Variants in FBXW11 observed in about 807,000 individuals in gnomAD.
FBXW11 encodes the protein F-box/WD repeat-containing protein 11.
A neutral mutation model predicts 77.6 loss-of-function variants in FBXW11; 19 were observed. The observed-to-expected ratio is 0.24, with a 90% CI of 0.17 to 0.36. FBXW11 has a LOEUF of 0.36. FBXW11 is among the 10% of genes least tolerant of loss of function. The pLI, the probability that FBXW11 is intolerant of heterozygous loss-of-function variation, is 1.00. For synonymous variants in FBXW11, 235 were observed against 249.4 expected (o/e 0.94, Z 0.54); for missense variants, 334 against 704.2 (o/e 0.47, Z 5.95).
Position 171,869,826 on chromosome 5 carries a change from T to C in FBXW11, c.1452-19A>G. The C allele has an allele frequency of 6.4e-7, 1 of 1,567,302 alleles. No individual in the cohort carries two copies. The highest frequency in any genetic ancestry group is 1.1e-5 in the South Asian group (1 of 87,394). On this transcript the variant is annotated intron_variant, in intron 11 of 13. Transcript: ENST00000517395. This position sits in a 1 kb window ranked among gnomAD's most constrained non-coding sequence, Gnocchi z 4.1. The stretch of plus-strand genomic sequence containing the variant: ...AATTTTCCTAGAAAGGAAAATGAGA[T>C]GTGATTAGTGGAAAAGTGAACAATT...
At chr5:171,956,096 C>A (rs1581251339) in intron 2 of FBXW11, among the ~76,000 whole-genome samples, 1 of 152,298 alleles carries the variant, frequency 6.6e-6, no homozygotes, top group Non-Finnish European at 1.5e-5. Flanking sequence ...ATTTCCAGTT[C>A]TGGAAAAAAC....
Position 171,869,273 on chromosome 5 carries a change from C to T in FBXW11, c.1530+456G>A, listed in dbSNP as rs986928866. Among the ~76,000 whole-genome samples, 2 of 152,116 alleles carry T rather than the reference C, an allele frequency of 1.3e-5. No homozygotes were observed. The highest frequency in any genetic ancestry group is 2.4e-5 in the African/African-American group (1 of 41,422). On this transcript the variant is annotated intron_variant, in intron 12 of 13. Transcript: ENST00000517395. This position sits in a 1 kb window ranked among gnomAD's most constrained non-coding sequence, Gnocchi z 4.1. ...CTAGTAAATGCAAGAAGTGAAGAAA[C>T]AGAAATAAAACTACTAAAATCTTTT... is the stretch of plus-strand genomic sequence containing the variant.
At chr5:171,952,447 A>ATATATATATATATATATATTTTTTTT in intron 2 of FBXW11, among the ~76,000 whole-genome samples, 4 of 6,948 alleles carry the variant, frequency 5.8e-4, no homozygotes, top group Non-Finnish European at 1.3e-3. Flanking sequence ...ATATATATAT[A>ATATATATATATATATATATTTTTTTT]TTTTTTTTTT....
Position 171,876,462 on chromosome 5 carries a change from G to A in FBXW11, c.1044C>T (p.Arg348=), listed in dbSNP as rs1451345745. 5 of 1,614,028 alleles carry A rather than the reference G, an allele frequency of 3.1e-6. No homozygotes were observed. Among genetic ancestry groups the A allele is most frequent in the African/African-American group, 1.3e-5 (1 of 74,928 alleles). The change falls in exon 9 of 14, where the codon CGC becomes CGT. Residue 348 remains arginine (R), a synonymous_variant. Transcript: ENST00000517395. This position sits in a 1 kb window ranked among gnomAD's most constrained non-coding sequence, Gnocchi z 4.2. ...IHHNEAVLHL[R]FSNGLMVTCS... ...AGGTCACCATCAGTCCATTGCTGAA[G>A]CGTAAGTGCAATACAGCCTCATTGT...
In FBXW11 at chr5:171,870,838, C is replaced by G; in HGVS notation, c.1361G>C (p.Gly454Ala). The change falls in exon 11 of 14, where the codon GGT becomes GCT. Residue 454 changes from glycine to alanine, a missense_variant. Around this residue, in one of 10 missense-constraint regions of FBXW11, gnomAD observed 50 missense variants for 119.6 expected, o/e 0.42. Coordinates refer to ENST00000517395, the MANE Select transcript of FBXW11 (RefSeq NM_001378974.1). ...NTIRLWDIECGACLRVLEGHE... is the reference protein window; with the variant it reads ...NTIRLWDIECAACLRVLEGHE... ...TCCCTCTAGGACTCTTAAACAGGCA[C>G]CACATTCAATATCCCAGAGCCTTGA... The G allele has an allele frequency of 6.2e-7, 1 of 1,613,510 alleles. No individual in the cohort carries two copies. The highest frequency in any genetic ancestry group is 8.5e-7 in the Non-Finnish European group (1 of 1,179,470).
intron 1 of FBXW11, among the ~76,000 whole-genome samples, chr5:171,989,686 C>T (rs992329322): frequency 6.6e-6 from 1 of 152,170 alleles, no homozygotes; most frequent in African/African-American, 2.4e-5. Context: ...AAAAAGAGTA[C>T]AAGAAACATA....
At chr5:171,875,027 C>T (rs1245564918) in intron 9 of FBXW11, among the ~76,000 whole-genome samples, 2 of 152,140 alleles carry the variant, frequency 1.3e-5, no homozygotes, top group Non-Finnish European at 2.9e-5. Flanking sequence ...ATATTTATAA[C>T]AGCATCATTT....
chr5:171,887,666 C>CT (rs543531783), intron 7 of FBXW11, among the ~76,000 whole-genome samples: 377 of 146,326 alleles, frequency 2.6e-3, no homozygotes, highest in Middle Eastern at 3.6e-3. Context: ...TGTTTTCTTT[C>CT]TTTTTTTTTT....
chr5:171,869,861 T>G lies in FBXW11; in HGVS notation c.1452-54A>C, dbSNP rs1757645554. 8.1e-7 allele frequency: 1 copy of G among 1,228,278 alleles called. No homozygotes were observed. Among genetic ancestry groups the G allele is most frequent in the Non-Finnish European group, 1.2e-6 (1 of 861,754 alleles). 76.1% of individuals were successfully genotyped at this position (1,228,278 alleles called of 1,614,324 possible). A position where few individuals can be genotyped will look rare whatever the true frequency, so the allele number is the denominator to read the frequency against. On this transcript the variant is annotated intron_variant, in intron 11 of 13. Transcript: ENST00000517395. This position sits in a 1 kb window ranked among gnomAD's most constrained non-coding sequence, Gnocchi z 4.1. The stretch of plus-strand genomic sequence containing the variant: ...GGAAAAGTGAACAATTTATATGCTG[T>G]CAAACATTTCCTTGAAAAAAAGTAG...
At chr5:171,920,460 T>C (rs566355453) in intron 2 of FBXW11, among the ~76,000 whole-genome samples, 13 of 150,244 alleles carry the variant, frequency 8.7e-5, no homozygotes, top group African/African-American at 2.7e-4. Context: ...CACAGTGGAT[T>C]TACTCCTGTA....
chr5:171,956,626 A>G (rs1450235343), intron 2 of FBXW11, among the ~76,000 whole-genome samples: 1 of 152,240 alleles, frequency 6.6e-6, no homozygotes, highest in African/African-American at 2.4e-5. Context: ...AAACATGAAT[A>G]GAAAGATAAA....
chr5:171,938,856 T>C (rs1043196103), intron 2 of FBXW11, among the ~76,000 whole-genome samples: 2 of 152,160 alleles, frequency 1.3e-5, no homozygotes, highest in Non-Finnish European at 1.5e-5. Flanking sequence ...TGTTGACTGA[T>C]ATAGAATAAC....
At position 171,908,007 on chromosome 5, in the gene FBXW11, G is replaced by A. The variant is rs143015275; in HGVS notation, c.436+2565C>T. ...ACAGGGAAGAAAATAAAACCAAAAC[G>A]GTGGAAAACAAACAATAAATTGAAT... On this transcript the variant is annotated intron_variant, in intron 4 of 13. Transcript: ENST00000517395. Among the ~76,000 whole-genome samples the A allele has an allele frequency of 1.7e-3, 264 of 152,158 alleles. 5 individuals carry two copies. The East Asian group carries it at 0.042, about 24-fold the overall frequency.
At chr5:171,928,375 TTGCGTA>T (rs1223598071) in intron 2 of FBXW11, among the ~76,000 whole-genome samples, 2 of 152,244 alleles carry the variant, frequency 1.3e-5, no homozygotes, top group Non-Finnish European at 2.9e-5. Context: ...ACGATGTTTT[TTGCGTA>T]AGTAGCAAAA....
chr5:171,887,678 A>G (rs1389277817), intron 7 of FBXW11, among the ~76,000 whole-genome samples: 1 of 145,614 alleles, frequency 6.9e-6, no homozygotes, highest in East Asian at 2.0e-4. Flanking sequence ...TTTTTTTTTT[A>G]TTTTTTATTG....
At chr5:171,865,308 C>T (rs769093428) in intron 13 of FBXW11, among the ~76,000 whole-genome samples, 11 of 150,354 alleles carry the variant, frequency 7.3e-5, no homozygotes, top group Non-Finnish European at 1.6e-4. Context: ...AGTCTTCAAA[C>T]GTGATACCTT....
intron 1 of FBXW11, among the ~76,000 whole-genome samples, chr5:171,982,880 GGAAGGCATGCCGATGTCAT>G (rs1253860374): frequency 6.6e-6 from 1 of 151,920 alleles, no homozygotes; most frequent in Non-Finnish European, 1.5e-5. Context: ...ATACCCCAGG[GGAAGGCATGCCGATGTCAT>G]GAAGCTTCCA....
chr5:171,953,062 T>G (rs1226740854), intron 2 of FBXW11, among the ~76,000 whole-genome samples: 5 of 152,156 alleles, frequency 3.3e-5, no homozygotes, highest in African/African-American at 7.2e-5. Flanking sequence ...CTCCAACTCC[T>G]GGGCTCAAGG....
chr5:171,934,208 T>C (rs183353329), intron 2 of FBXW11, among the ~76,000 whole-genome samples: 1 of 152,182 alleles, frequency 6.6e-6, no homozygotes, highest in Non-Finnish European at 1.5e-5. Flanking sequence ...GTGATGTTAC[T>C]TAAAAACACT....
Sources: allele counts gnomAD v4.1 joint callset (sites outside exome capture counted in the v4.1 genomes callset), GRCh38; gene constraint gnomAD v4.1.1; regional missense constraint gnomAD v4.1.1; non-coding constraint Gnocchi (gnomAD v3.1); transcripts MANE v1.5; gene names NCBI Gene and HGNC (gene_info 2026-07-23, HGNC 2026-07-21).